The following CAMKMT variants were observed in gnomAD, a reference collection of about 807,000 sequenced individuals.
The protein encoded by CAMKMT is CaM KMT.
A neutral mutation model predicts 48.0 loss-of-function variants in CAMKMT; 53 were observed. That is an observed-to-expected ratio of 1.10 (90% confidence interval 0.89 to 1.39). The LOEUF (loss-of-function observed/expected upper bound fraction) is 1.39. CAMKMT is among the 40% of genes most tolerant of loss of function. The pLI is 0.00. For missense variants in CAMKMT, 428 were observed against 402.7 expected, an observed-to-expected ratio of 1.06 and a Z score of -0.54; for synonymous variants, 165 against 152.3, an observed-to-expected ratio of 1.08 and a Z score of -0.61.
intron 1 of CAMKMT, among the ~76,000 whole-genome samples, chr2:44,366,708 A>G (rs1384200913): frequency 3.4e-5 from 4 of 118,646 alleles, no homozygotes; most frequent in African/African-American, 1.1e-4. Context: ...CAAAATAAAT[A>G]GCAGCTATTG....
chr2:44,481,982 C>T (rs913112856), intron 3 of CAMKMT, among the ~76,000 whole-genome samples: 2 of 151,896 alleles, frequency 1.3e-5, no homozygotes, highest in Non-Finnish European at 2.9e-5. Flanking sequence ...TTAACTTTCC[C>T]ATATTTAACA....
intron 3 of CAMKMT, among the ~76,000 whole-genome samples, chr2:44,528,264 GA>G (rs762610001): frequency 2.0e-5 from 3 of 151,872 alleles, no homozygotes; most frequent in Non-Finnish European, 2.9e-5. Context: ...ACAAATTTTA[GA>G]ATTTAACAAG....
chr2:44,362,007 G>C lies in CAMKMT; in HGVS notation c.-1G>C. ...CTCCGGGTGTGGAAGGCTCCAGTGA[G>C]ATGGAGTCGCGAGTCGCGGACGCTG... is the stretch of plus-strand genomic sequence containing the variant. On this transcript the variant is annotated 5_prime_UTR_variant, in exon 1 of 11. Coordinates refer to ENST00000378494, the MANE Select transcript of CAMKMT (RefSeq NM_024766.5). 1 of 1,406,704 alleles carries C rather than the reference G, an allele frequency of 7.1e-7. No individual in the cohort carries two copies. Among genetic ancestry groups the C allele is most frequent in the Non-Finnish European group, 9.2e-7 (1 of 1,086,394 alleles). The allele number at this position is 1,406,704 out of a possible 1,614,324, so 87.1% of individuals were successfully genotyped here. A position where few individuals can be genotyped will look rare whatever the true frequency, so the allele number is the denominator to read the frequency against.
At chr2:44,367,513 T>G (rs1170497704) in intron 1 of CAMKMT, among the ~76,000 whole-genome samples, 1 of 152,210 alleles carries the variant, frequency 6.6e-6, no homozygotes, top group Non-Finnish European at 1.5e-5. Context: ...TTGGGTCCCA[T>G]CCCAAGCCTT....
chr2:44,372,867 C>G lies in CAMKMT; in HGVS notation c.290C>G (p.Pro97Arg). The change falls in exon 2 of 11, where the codon CCT (proline) becomes CGT (arginine). Residue 97 changes from proline to arginine, a missense_variant. By Grantham distance (103) the Pro-to-Arg change is moderately radical (BLOSUM62 -2). Transcript: ENST00000378494. ...GTCCAATATACAAGCATCTTCTGTC[C>G]TGAATACAGTATCTCCTTAAGGTAA... The part of the protein sequence containing the change: ...AWVQYTSIFC[P>R]EYSISLRHNS... 6.2e-7 allele frequency: 1 copy of G among 1,613,588 alleles called. No homozygotes were observed. The highest frequency in any genetic ancestry group is 8.5e-7 in the Non-Finnish European group (1 of 1,179,786).
At chr2:44,592,043 T>A (rs1051842632) in intron 3 of CAMKMT, among the ~76,000 whole-genome samples, 1 of 133,976 alleles carries the variant, frequency 7.5e-6, no homozygotes, top group African/African-American at 2.9e-5. Flanking sequence ...AAGGGGAACA[T>A]CACACTCTGG....
chr2:44,609,130 C>G (rs896498297), intron 3 of CAMKMT, among the ~76,000 whole-genome samples: 2 of 152,178 alleles, frequency 1.3e-5, no homozygotes, highest in Non-Finnish European at 2.9e-5. Flanking sequence ...TATACTGTAG[C>G]TCGTGTCCTA....
intron 3 of CAMKMT, among the ~76,000 whole-genome samples, chr2:44,559,373 GA>G (rs1276025628): frequency 6.6e-6 from 1 of 152,098 alleles, no homozygotes; most frequent in African/African-American, 2.4e-5. Flanking sequence ...CAGGTGTGAA[GA>G]AATGTTCTTC....
chr2:44,738,344 G>T (rs538496742), intron 7 of CAMKMT, among the ~76,000 whole-genome samples: 1 of 152,344 alleles, frequency 6.6e-6, no homozygotes, highest in Admixed American at 6.5e-5. Context: ...TATATGTTTT[G>T]TGTAGGTTTT....
At chr2:44,595,482 A>G (rs1670597577) in intron 3 of CAMKMT, among the ~76,000 whole-genome samples, 2 of 152,228 alleles carry the variant, frequency 1.3e-5, no homozygotes, top group Non-Finnish European at 2.9e-5. Flanking sequence ...ACCACTGCTC[A>G]AGGAAATAAA....
chr2:44,599,084 T>C (rs1670835609), intron 3 of CAMKMT, among the ~76,000 whole-genome samples: 1 of 152,084 alleles, frequency 6.6e-6, no homozygotes, highest in East Asian at 1.9e-4. Flanking sequence ...TGTTGACACA[T>C]GTAAGTTCCT....
chr2:44,528,044 C>T (rs1490265591), intron 3 of CAMKMT, among the ~76,000 whole-genome samples: 4 of 152,120 alleles, frequency 2.6e-5, no homozygotes. Context: ...TACAGAATTA[C>T]AGAAATTCGT....
chr2:44,500,266 A>G lies in CAMKMT; in HGVS notation c.376+109961A>G, dbSNP rs184688786. On this transcript the variant is annotated intron_variant, in intron 3 of 10. Coordinates refer to ENST00000378494, the MANE Select transcript of CAMKMT (RefSeq NM_024766.5). ...AGTTCTTCCATATCAGACTATAAAT[A>G]TAAGCATACAGTTAAATCTGTGATA... Among the ~76,000 whole-genome samples the G allele has an allele frequency of 2.1e-4, 32 of 152,296 alleles. 1 individual carries two copies. The East Asian group carries it at 6.2e-3, about 29-fold the overall frequency.
chr2:44,478,061 T>C (rs1473146148), intron 3 of CAMKMT, among the ~76,000 whole-genome samples: 1 of 152,178 alleles, frequency 6.6e-6, no homozygotes, highest in Non-Finnish European at 1.5e-5. Flanking sequence ...TTAAAAGCAA[T>C]GTATATTAAA....
At chr2:44,372,278 G>A (rs1029071865) in intron 1 of CAMKMT, among the ~76,000 whole-genome samples, 1 of 152,088 alleles carries the variant, frequency 6.6e-6, no homozygotes, top group Non-Finnish European at 1.5e-5. Flanking sequence ...GAGCCCAGGA[G>A]TTTGAATCCA....
intron 3 of CAMKMT, among the ~76,000 whole-genome samples, chr2:44,481,409 G>A (rs1459470002): frequency 6.6e-6 from 1 of 151,754 alleles, no homozygotes. Context: ...ATCACTTAAG[G>A]CAAGGCTCTT....
At position 44,425,725 on chromosome 2, in the gene CAMKMT, TTCTA is replaced by T. The variant is rs1367944829; in HGVS notation, c.376+35424_376+35427del. ...ATTATCTCTCTGGTTCTATGTAGTATTCTATCTTTTTTTTTTTTTTCCGAGACAG... is the reference window on the plus strand; with the variant it reads ...ATTATCTCTCTGGTTCTATGTAGTATTCTTTTTTTTTTTTTTCCGAGACAG... On this transcript the variant is annotated intron_variant, in intron 3 of 10. Coordinates refer to ENST00000378494, the MANE Select transcript of CAMKMT (RefSeq NM_024766.5). 1.7e-3 allele frequency among the ~76,000 whole-genome samples: 257 copies of T among 152,026 alleles called. 3 individuals are homozygous for T. Among genetic ancestry groups the T allele is most frequent in the African/African-American group, 5.9e-3 (246 of 41,382 alleles).
intron 3 of CAMKMT, among the ~76,000 whole-genome samples, chr2:44,557,882 A>G (rs909543102): frequency 1.3e-5 from 2 of 152,172 alleles, no homozygotes; most frequent in East Asian, 1.9e-4. Context: ...CTCTGTATCA[A>G]TTTAGGTTGG....
chr2:44,673,520 AGGAGGGAAG>A (rs1413358782), intron 3 of CAMKMT, among the ~76,000 whole-genome samples: 1 of 88,068 alleles, frequency 1.1e-5, no homozygotes, highest in African/African-American at 4.5e-5. Context: ...GAAGGAAGGA[AGGAGGGAAG>A]GAAGAAATCT....
Sources: allele counts gnomAD v4.1 joint callset (sites outside exome capture counted in the v4.1 genomes callset), GRCh38; gene constraint gnomAD v4.1.1; transcripts MANE v1.5; gene names NCBI Gene and HGNC (gene_info 2026-07-23, HGNC 2026-07-21).